ADGRG4: variants seen among roughly 807,000 people sequenced by gnomAD.
The protein encoded by ADGRG4 is adhesion G protein-coupled receptor G4.
Under a neutral mutation model 126.2 loss-of-function variants are expected in ADGRG4, and 122 were observed. That is an observed-to-expected ratio of 0.97 (90% CI 0.83 to 1.12). The LOEUF (loss-of-function observed/expected upper bound fraction) is 1.12, where lower values mean the gene tolerates loss of function less well. Ranked by LOEUF, ADGRG4 falls within the 50% of genes most tolerant of loss-of-function variation. ADGRG4 has a pLI of 0.00. For synonymous variants in ADGRG4, 943 were observed against 838.7 expected, an observed-to-expected ratio of 1.12 and a Z score of -2.15; for missense variants, 2,481 against 2,251.8, an observed-to-expected ratio of 1.10 and a Z score of -2.06.
intron 10 of ADGRG4, 100 bp from the exon 11 acceptor site, chrX:136,359,192 C>G (rs1338116656): frequency 1.6e-6 from 1 of 642,100 alleles, no homozygotes; most frequent in Admixed American, 3.5e-5. Context: ...CATTTATGAA[C>G]TACCAATTAA....
intron 13 of ADGRG4, among the ~76,000 whole-genome samples, chrX:136,366,968 A>G (rs1466483186): frequency 1.3e-4 from 15 of 111,159 alleles, no homozygotes; most frequent in African/African-American, 4.9e-4. Flanking sequence ...TGGAACCTTC[A>G]TGAATGAGAT....
chrX:136,353,625 A>G lies in ADGRG4; in HGVS notation c.6887+224A>G, dbSNP rs768515792. ...GAGAACAAAACAAAAGAAAATCAAT[A>G]GGGGAAGTCATGCAGTTAGACTGAG... On this transcript the variant is annotated intron_variant, in intron 8 of 25. Transcript: ENST00000394143. Among the ~76,000 whole-genome samples, 6 of 112,081 alleles carry G rather than the reference A, an allele frequency of 5.4e-5. No homozygotes were observed. In the South Asian group the frequency reaches 2.2e-3, roughly 42 times the overall value.
At chrX:136,411,978 G>A in intron 23 of ADGRG4, among the ~76,000 whole-genome samples, 1 of 113,025 alleles carries the variant, frequency 8.8e-6, no homozygotes, top group Non-Finnish European at 1.9e-5. Context: ...GGATGTCAAT[G>A]CCAGGATGTG....
chrX:136,323,295 G>A lies in ADGRG4; in HGVS notation c.588G>A (p.Glu196=). The change falls in exon 5 of 26, where the codon GAG becomes GAA. Residue 196 remains glutamate (E), a synonymous_variant. Transcript: ENST00000394143. ...GGGACCACATCCTGGAAAACGAAGAGTTTATGAAGTGTTTAGATGGAAATA... is the reference window on the plus strand; with the variant it reads ...GGGACCACATCCTGGAAAACGAAGAATTTATGAAGTGTTTAGATGGAAATA... The part of the protein sequence containing the change: ...QLWDHILENE[E]FMKCLDGNIV... 8.3e-7 allele frequency: 1 copy of A among 1,210,809 alleles called. No homozygotes were observed. Among genetic ancestry groups the A allele is most frequent in the Non-Finnish European group, 1.1e-6 (1 of 895,041 alleles).
intron 12 of ADGRG4, among the ~76,000 whole-genome samples, chrX:136,362,862 A>G (rs1038527423): frequency 8.1e-5 from 9 of 111,462 alleles, no homozygotes; most frequent in African/African-American, 2.9e-4. Context: ...TCGAGTAGTT[A>G]CACTTAGAAT....
intron 5 of ADGRG4, among the ~76,000 whole-genome samples, chrX:136,330,675 T>A (rs992094656): frequency 9.0e-6 from 1 of 111,535 alleles, no homozygotes; most frequent in African/African-American, 3.3e-5. Flanking sequence ...GCATGTTTAG[T>A]TTTTTTCTTA....
At chrX:136,380,135 A>G (rs2075250606) in intron 15 of ADGRG4, among the ~76,000 whole-genome samples, 1 of 103,023 alleles carries the variant, frequency 9.7e-6, no homozygotes, top group African/African-American at 3.5e-5. Context: ...AGTATATGGT[A>G]TGTGAGTAAA....
At chrX:136,368,973 T>C (rs1461430092) in intron 13 of ADGRG4, among the ~76,000 whole-genome samples, 1 of 112,231 alleles carries the variant, frequency 8.9e-6, no homozygotes, top group Non-Finnish European at 1.9e-5. Flanking sequence ...CCCACACCAC[T>C]GGGGGAGTCC....
rs187196241 is a variant in ADGRG4, at chrX:136,409,562, G to T, written c.8936-2703G>T. 4.5e-5 allele frequency among the ~76,000 whole-genome samples: 5 copies of T among 111,878 alleles called. No homozygotes were observed. The East Asian group carries it at 1.1e-3, about 25-fold the overall frequency. The stretch of plus-strand genomic sequence containing the variant: ...CTCGGGGTGCTGCACCGCCTTCCAG[G>T]TGGCTGCTGCTCAGAAAAACAGTGA... On this transcript the variant is annotated intron_variant, in intron 23 of 25. Transcript: ENST00000394143.
At chrX:136,407,338 G>A (rs868150932) in intron 23 of ADGRG4, among the ~76,000 whole-genome samples, 2 of 101,540 alleles carry the variant, frequency 2.0e-5, no homozygotes, top group African/African-American at 3.6e-5. Context: ...GCTCTATTAT[G>A]AAAAAAAAAA....
intron 8 of ADGRG4, 52 bp from the exon 9 acceptor site, chrX:136,356,074 T>C (rs371598852): frequency 2.8e-5 from 27 of 948,507 alleles, no homozygotes; most frequent in Non-Finnish European, 3.8e-5. Flanking sequence ...ATGCCCTGTA[T>C]ACTTGGTACT....
chrX:136,346,981 C>T lies in ADGRG4; in HGVS notation c.3275C>T (p.Thr1092Met), dbSNP rs767463033. The change falls in exon 6 of 26, where the codon ACG (threonine) becomes ATG (methionine). Residue 1092 changes from threonine (T) to methionine (M), a missense_variant. By Grantham distance (81) the Thr-to-Met change is moderately conservative. Coordinates refer to ENST00000394143, the MANE Select transcript of ADGRG4 (RefSeq NM_153834.4). ...GDLIRTTSEATVISVRKTSMA... is the reference protein window; with the variant it reads ...GDLIRTTSEAMVISVRKTSMA... ...TTGATTCGTACCACTTCAGAGGCCACGGTAATCTCTGTCAGGAAGACATCC... is the reference window on the plus strand; with the variant it reads ...TTGATTCGTACCACTTCAGAGGCCATGGTAATCTCTGTCAGGAAGACATCC... The T allele has an allele frequency of 2.8e-5, 34 of 1,208,148 alleles. No homozygotes were observed. Among genetic ancestry groups the T allele is most frequent in the Admixed American group, 2.2e-4 (10 of 45,718 alleles).
intron 22 of ADGRG4, among the ~76,000 whole-genome samples, chrX:136,404,571 A>C (rs1438929583): frequency 8.9e-6 from 1 of 112,008 alleles, no homozygotes; most frequent in African/African-American, 3.2e-5. Flanking sequence ...GGTAACTCTT[A>C]TTACCAATTT....
At chrX:136,302,314 T>C (rs1428860254) in intron 1 of ADGRG4, among the ~76,000 whole-genome samples, 2 of 111,903 alleles carry the variant, frequency 1.8e-5, no homozygotes, top group Non-Finnish European at 3.8e-5. Context: ...TTGTAAGTTG[T>C]ATTCCTAGGT....
chrX:136,356,076 C>T, intron 8 of ADGRG4, 50 bp from the exon 9 acceptor site: 1 of 972,153 alleles, frequency 1.0e-6, no homozygotes, highest in East Asian at 3.1e-5. Context: ...GCCCTGTATA[C>T]TTGGTACTAT....
chrX:136,404,474 C>T (rs1054841943), intron 22 of ADGRG4, among the ~76,000 whole-genome samples: 13 of 112,005 alleles, frequency 1.2e-4, no homozygotes. Flanking sequence ...AATTCATGCA[C>T]ATGGAACAAA....
At chrX:136,311,822 T>C (rs1161734420) in intron 4 of ADGRG4, among the ~76,000 whole-genome samples, 1 of 110,802 alleles carries the variant, frequency 9.0e-6, no homozygotes, top group Admixed American at 9.7e-5. Context: ...GTAGCCAGGG[T>C]TCAGGAAAAG....
At chrX:136,313,761 C>A (rs190736000) in intron 4 of ADGRG4, among the ~76,000 whole-genome samples, 2 of 111,508 alleles carry the variant, frequency 1.8e-5, no homozygotes, top group Admixed American at 1.9e-4. Context: ...TGTTGTTCAC[C>A]GCCCGGAGGT....
At chrX:136,341,992 T>C (rs1047159020) in intron 5 of ADGRG4, among the ~76,000 whole-genome samples, 14 of 112,081 alleles carry the variant, frequency 1.2e-4, no homozygotes, top group African/African-American at 4.5e-4. Flanking sequence ...GTGATTTCAA[T>C]TGGAGAAAGA....
Sources: allele counts gnomAD v4.1 joint callset (sites outside exome capture counted in the v4.1 genomes callset), GRCh38; gene constraint gnomAD v4.1.1; transcripts MANE v1.5; gene names NCBI Gene and HGNC (gene_info 2026-07-23, HGNC 2026-07-21).